Variants in ALDH1A1 observed in about 807,000 individuals in gnomAD.
The protein encoded by ALDH1A1 is aldehyde dehydrogenase 1A1.
In ALDH1A1, 19 loss-of-function variants were observed where a neutral mutation model predicts 62.1. The ratio of observed to expected loss-of-function variants is 0.31; its 90% CI spans 0.21 to 0.45. The LOEUF is 0.45. Among genes scored for constraint, ALDH1A1 ranks in the 20% least tolerant of loss-of-function variants. The pLI is 1.00. For synonymous variants in ALDH1A1, 231 were observed against 215.9 expected, an observed-to-expected ratio of 1.07 and a Z score of -0.61; for missense variants, 521 against 607.1, an observed-to-expected ratio of 0.86 and a Z score of 1.49.
chr9:72,949,336 G>A (rs1830510266), intron 1 of ALDH1A1, among the ~76,000 whole-genome samples: 1 of 151,880 alleles, frequency 6.6e-6, no homozygotes, highest in Non-Finnish European at 1.5e-5. Flanking sequence ...ATGGGCAAAT[G>A]AAAGTCAGGA....
At chr9:72,914,867 T>C (rs8187961) in intron 9 of ALDH1A1, among the ~76,000 whole-genome samples, 1,847 of 152,246 alleles carry the variant, frequency 0.012, 44 homozygotes, top group African/African-American at 0.043. Flanking sequence ...TTTGATGTTA[T>C]ATTTAATGAG....
intron 2 of ALDH1A1, 151 bp from the exon 3 acceptor site, chr9:72,931,170 T>A (rs916159251): frequency 1.9e-5 from 14 of 746,598 alleles, no homozygotes; most frequent in Middle Eastern, 5.3e-4. Context: ...CACATTCAAC[T>A]ACTGTATGTT....
At chr9:72,927,902 G>A (rs1830230797) in intron 4 of ALDH1A1, among the ~76,000 whole-genome samples, 1 of 151,288 alleles carries the variant, frequency 6.6e-6, no homozygotes, top group Admixed American at 6.6e-5. Context: ...AGTTTAATGT[G>A]GTCATCCAGA....
intron 2 of ALDH1A1, among the ~76,000 whole-genome samples, chr9:72,938,994 C>T (rs763011532): frequency 4.7e-4 from 72 of 152,246 alleles, no homozygotes; most frequent in Admixed American, 1.1e-3. Context: ...CTGCCCGCCT[C>T]GGCCTCCCAA....
intron 10 of ALDH1A1, among the ~76,000 whole-genome samples, chr9:72,911,725 G>A (rs752582389): frequency 6.6e-6 from 1 of 152,224 alleles, no homozygotes; most frequent in Non-Finnish European, 1.5e-5. Context: ...CCTGAAAATT[G>A]TTAAGCATCC....
chr9:72,912,476 C>T (rs527579808), intron 9 of ALDH1A1, among the ~76,000 whole-genome samples: 12 of 152,180 alleles, frequency 7.9e-5, no homozygotes, highest in East Asian at 1.9e-4. Flanking sequence ...ACTATTGTCC[C>T]GGCTGAAATG....
At chr9:72,952,221 C>CA (rs1009612361) in intron 1 of ALDH1A1, among the ~76,000 whole-genome samples, 5 of 151,922 alleles carry the variant, frequency 3.3e-5, no homozygotes, top group African/African-American at 1.2e-4. Flanking sequence ...GTGAAACAGG[C>CA]AAAGTTCAGA....
At chr9:72,941,207 C>G (rs1466941332) in intron 1 of ALDH1A1, among the ~76,000 whole-genome samples, 2 of 152,042 alleles carry the variant, frequency 1.3e-5, no homozygotes, top group Non-Finnish European at 2.9e-5. Flanking sequence ...AACATATATC[C>G]TAATTCAGAC....
In ALDH1A1 at chr9:72,900,891, T is replaced by C. The variant is rs1829793942; in HGVS notation, c.*317A>G. On this transcript the variant is annotated 3_prime_UTR_variant, in exon 13 of 13. Coordinates refer to ENST00000297785, the MANE Select transcript of ALDH1A1 (RefSeq NM_000689.5). ...AAGAAGCTAAATGCAACTGTTCCTTTTCTATAAAATTATTATCCTGCAAAA... is the reference window on the plus strand; with the variant it reads ...AAGAAGCTAAATGCAACTGTTCCTTCTCTATAAAATTATTATCCTGCAAAA... 4.9e-6 allele frequency: 1 copy of C among 202,738 alleles called. No homozygotes were observed. Among genetic ancestry groups the C allele is most frequent in the Non-Finnish European group, 1.0e-5 (1 of 99,270 alleles). The allele number at this position is 202,738 out of a possible 1,614,324, so 12.6% of individuals were successfully genotyped here.
chr9:72,943,460 A>G (rs1830439772), intron 1 of ALDH1A1, among the ~76,000 whole-genome samples: 1 of 152,202 alleles, frequency 6.6e-6, no homozygotes, highest in Middle Eastern at 3.2e-3. Flanking sequence ...GATTAAAGCC[A>G]GTGAATGTTT....
At chr9:72,950,890 C>G (rs1367831344) in intron 1 of ALDH1A1, among the ~76,000 whole-genome samples, 3 of 151,344 alleles carry the variant, frequency 2.0e-5, no homozygotes, top group Non-Finnish European at 4.4e-5. Flanking sequence ...CTTGCAAGAG[C>G]AAATTCAATC....
At chr9:72,934,062 C>A (rs1320608141) in intron 2 of ALDH1A1, among the ~76,000 whole-genome samples, 1 of 152,088 alleles carries the variant, frequency 6.6e-6, no homozygotes, top group Non-Finnish European at 1.5e-5. Flanking sequence ...TTCCGAAGTG[C>A]TATGATTGCA....
intron 1 of ALDH1A1, among the ~76,000 whole-genome samples, chr9:72,951,292 A>G (rs1830542117): frequency 6.6e-6 from 1 of 151,826 alleles, no homozygotes; most frequent in Admixed American, 6.6e-5. Context: ...CTGTGCTTGT[A>G]TGTTAGATTT....
intron 11 of ALDH1A1, among the ~76,000 whole-genome samples, chr9:72,907,880 T>A (rs1829895378): frequency 6.6e-6 from 1 of 152,202 alleles, no homozygotes; most frequent in African/African-American, 2.4e-5. Context: ...CATCACTAGC[T>A]ATACCGACTA....
At chr9:72,945,599 T>C (rs1296638655) in intron 1 of ALDH1A1, among the ~76,000 whole-genome samples, 1 of 151,950 alleles carries the variant, frequency 6.6e-6, no homozygotes, top group Non-Finnish European at 1.5e-5. Context: ...CAACCTTTTC[T>C]CAGCTTAGGA....
chr9:72,920,622 T>C (rs1275286737), intron 7 of ALDH1A1, among the ~76,000 whole-genome samples: 1 of 152,206 alleles, frequency 6.6e-6, no homozygotes, highest in Admixed American at 6.5e-5. Context: ...TGGTTAGAAG[T>C]ATGAATGAGA....
chr9:72,942,134 A>G (rs1458897156), intron 1 of ALDH1A1, among the ~76,000 whole-genome samples: 1 of 152,188 alleles, frequency 6.6e-6, no homozygotes, highest in Non-Finnish European at 1.5e-5. Flanking sequence ...TTCAGACGAA[A>G]GTGCTGATTT....
chr9:72,906,066 C>T (rs1179873920), intron 11 of ALDH1A1, 34 bp from the exon 12 acceptor site: 4 of 1,528,684 alleles, frequency 2.6e-6, no homozygotes, highest in Non-Finnish European at 3.6e-6. Context: ...ATAGACAATA[C>T]TTAAGGTGTG....
At chr9:72,908,492 G>GAA (rs778969945) in intron 11 of ALDH1A1, among the ~76,000 whole-genome samples, 8 of 92,640 alleles carry the variant, frequency 8.6e-5, no homozygotes, top group African/African-American at 2.9e-4. Context: ...GAAAGAGAAA[G>GAA]AGAGAGAGAG....
Sources: gnomAD v4.1 joint callset for allele counts (sites outside exome capture counted in the v4.1 genomes callset) on GRCh38, gnomAD v4.1.1 for gene constraint, MANE v1.5 for transcripts, NCBI Gene and HGNC (gene_info 2026-07-23, HGNC 2026-07-21) for gene names.